The following CMAS variants were observed in gnomAD, a reference collection of about 807,000 sequenced individuals.
CMAS encodes the protein cytidine monophosphate N-acetylneuraminic acid synthetase, also known as N-acylneuraminate cytidylyltransferase.
In CMAS, 21 loss-of-function variants were observed where a neutral mutation model predicts 53.4. The ratio of observed to expected loss-of-function variants is 0.39; its 90% CI spans 0.28 to 0.57. The LOEUF is 0.57. Ranked by LOEUF, CMAS falls within the 20% of genes least tolerant of loss-of-function variation. The pLI is 0.56. For synonymous variants in CMAS, 189 were observed against 195.2 expected, an observed-to-expected ratio of 0.97 and a Z score of 0.27; for missense variants, 384 against 534.9, an observed-to-expected ratio of 0.72 and a Z score of 2.78.
intron 4 of CMAS, among the ~76,000 whole-genome samples, chr12:22,060,357 AAAAG>A: frequency 7.0e-6 from 1 of 142,214 alleles, no homozygotes; most frequent in Non-Finnish European, 1.5e-5. Context: ...AAAAAAAAAA[AAAAG>A]CTGGGCGTGG....
intron 1 of CMAS, among the ~76,000 whole-genome samples, chr12:22,050,209 C>A (rs1284033716): frequency 6.6e-6 from 1 of 152,224 alleles, no homozygotes; most frequent in African/African-American, 2.4e-5. Context: ...AGATCACAGA[C>A]TCTGAAATCA....
chr12:22,063,731 A>AC (rs1362509686), intron 7 of CMAS: 23 of 149,520 alleles, frequency 1.5e-4, no homozygotes, highest in African/African-American at 5.4e-4. Flanking sequence ...ACATTAAAAA[A>AC]AAAACACACA....
chr12:22,052,170 T>TA (rs1489193759), intron 1 of CMAS, among the ~76,000 whole-genome samples: 11 of 152,344 alleles, frequency 7.2e-5, no homozygotes, highest in Middle Eastern at 3.4e-3. Flanking sequence ...AGAGCGTAGT[T>TA]ACTTAATTGA....
intron 7 of CMAS, 34 bp downstream of exon 7, chr12:22,062,468 G>A: frequency 1.3e-6 from 2 of 1,586,086 alleles, no homozygotes; most frequent in Non-Finnish European, 1.7e-6. Flanking sequence ...TAGTAAAATG[G>A]ACCAGGAATT....
intron 3 of CMAS, among the ~76,000 whole-genome samples, chr12:22,057,263 ACAC>A (rs1950274663): frequency 2.0e-5 from 3 of 151,242 alleles, no homozygotes; most frequent in Non-Finnish European, 2.9e-5. Context: ...ACACACACAC[ACAC>A]ACACACACAG....
Position 22,046,221 on chromosome 12 carries a change from C to G in CMAS, c.-83C>G, listed in dbSNP as rs1315284135. 7.6e-7 allele frequency: 1 copy of G among 1,313,110 alleles called. No homozygotes were observed. The highest frequency in any genetic ancestry group is 9.9e-7 in the Non-Finnish European group (1 of 1,009,542). The allele number at this position is 1,313,110 out of a possible 1,614,324, so 81.3% of individuals were successfully genotyped here. On this transcript the variant is annotated 5_prime_UTR_variant, in exon 1 of 8. Coordinates refer to ENST00000229329, the MANE Select transcript of CMAS (RefSeq NM_018686.6). The stretch of plus-strand genomic sequence containing the variant: ...ACGGCCGCGCGCGCCAGCTGCCAGG[C>G]GGGGATCGGGCGGCGCCGAGCTGAG...
At chr12:22,051,028 G>T (rs1189132013) in intron 1 of CMAS, among the ~76,000 whole-genome samples, 1 of 152,092 alleles carries the variant, frequency 6.6e-6, no homozygotes, top group African/African-American at 2.4e-5. Flanking sequence ...GAAAATTGCA[G>T]CTGTCTGATT....
chr12:22,055,555 T>G lies in CMAS; in HGVS notation c.504T>G (p.Ser168=), dbSNP rs1263024278. Residue 168 remains serine, a synonymous_variant, in exon 3 of 8, where the codon TCT becomes TCG. Transcript: ENST00000229329. ...AEMIREEGYD[S]VFSVVRRHQF... ...TGATTCGAGAAGAAGGATATGATTC[T>G]GTTTTCTCTGTTGTGAGACGCCATC... The G allele has an allele frequency of 3.1e-6, 5 of 1,612,726 alleles. No individual in the cohort carries two copies. Among genetic ancestry groups the G allele is most frequent in the Non-Finnish European group, 4.2e-6 (5 of 1,179,652 alleles).
At position 22,046,548 on chromosome 12, in the gene CMAS, C is replaced by T; in HGVS notation, c.245C>T (p.Ser82Leu). ...IGWVLRAALD[S>L]GAFQSVWVST... ...TGGGTCCTGCGTGCGGCCCTGGATTCAGGGGCCTTCCAGAGGTGCGCATGT... is the reference window on the plus strand; with the variant it reads ...TGGGTCCTGCGTGCGGCCCTGGATTTAGGGGCCTTCCAGAGGTGCGCATGT... Residue 82 changes from serine (S) to leucine (L), a missense_variant, in exon 1 of 8, where the codon TCA (serine) becomes TTA (leucine). This residue lies in a region of CMAS where 111 missense variants were observed against 132.2 expected (regional missense o/e 0.84). Transcript: ENST00000229329. 6.3e-7 allele frequency: 1 copy of T among 1,592,982 alleles called. No individual in the cohort carries two copies. The highest frequency in any genetic ancestry group is 8.5e-7 in the Non-Finnish European group (1 of 1,171,148).
intron 1 of CMAS, among the ~76,000 whole-genome samples, chr12:22,053,862 C>G (rs1950251102): frequency 6.8e-6 from 1 of 147,760 alleles, no homozygotes; most frequent in African/African-American, 2.5e-5. Context: ...CTGGGAGACA[C>G]AGCGAGACTC....
intron 2 of CMAS, 46 bp from the exon 3 acceptor site, chr12:22,055,409 G>T: frequency 4.6e-6 from 7 of 1,522,776 alleles, no homozygotes; most frequent in South Asian, 1.3e-5. Flanking sequence ...TGCTTGCAAG[G>T]AACTTTTTTT....
At chr12:22,054,972 A>G in intron 1 of CMAS, 177 bp from the exon 2 acceptor site, 2 of 409,132 alleles carry the variant, frequency 4.9e-6, no homozygotes, top group Non-Finnish European at 8.7e-6. Flanking sequence ...ATATATTTAT[A>G]TACAAAATAC....
At chr12:22,051,107 G>A (rs1013858197) in intron 1 of CMAS, among the ~76,000 whole-genome samples, 2 of 152,098 alleles carry the variant, frequency 1.3e-5, no homozygotes, top group African/African-American at 4.8e-5. Context: ...ACTTAATTGA[G>A]GCAGATTTCT....
intron 7 of CMAS, among the ~76,000 whole-genome samples, chr12:22,063,090 T>C (rs555282598): frequency 6.6e-6 from 1 of 152,340 alleles, no homozygotes; most frequent in Non-Finnish European, 1.5e-5. Flanking sequence ...CCTATGATGA[T>C]ACGCAGCATG....
chr12:22,048,031 A>G (rs745860043), intron 1 of CMAS, among the ~76,000 whole-genome samples: 1 of 152,216 alleles, frequency 6.6e-6, no homozygotes, highest in East Asian at 1.9e-4. Flanking sequence ...TCAAACTGGC[A>G]TAACAAAAGA....
chr12:22,052,027 C>T (rs900618475), intron 1 of CMAS, among the ~76,000 whole-genome samples: 2 of 152,134 alleles, frequency 1.3e-5, no homozygotes, highest in Non-Finnish European at 2.9e-5. Context: ...GTGGTGGAGC[C>T]AGAATTGAAC....
intron 4 of CMAS, 104 bp from the exon 5 acceptor site, chr12:22,060,727 TC>T: frequency 1.5e-6 from 1 of 662,600 alleles, no homozygotes; most frequent in Admixed American, 2.4e-5. Context: ...TATTCATTTT[TC>T]TCAGTACTGT....
Position 22,060,934 on chromosome 12 carries a change from CAAAT to C in CMAS, c.788+12_788+15del, listed in dbSNP as rs766327698. 60 of 1,465,182 alleles carry C rather than the reference CAAAT, an allele frequency of 4.1e-5. No homozygotes were observed. Among genetic ancestry groups the C allele is most frequent in the African/African-American group, 1.9e-4 (14 of 71,944 alleles). The allele number at this position is 1,465,182 out of a possible 1,614,324, so 90.8% of individuals were successfully genotyped here. A position where few individuals can be genotyped will look rare whatever the true frequency, so the allele number is the denominator to read the frequency against. ...AGAGCAAAGAGTATTAAGGTAAAAA[CAAAT>C]AAACCTTTATAACCTTTGTACTAAA... On this transcript the variant is annotated intron_variant, in intron 5 of 7. Transcript: ENST00000229329.
intron 7 of CMAS, chr12:22,063,652 A>ATGAT (rs1950323624): frequency 1.3e-5 from 2 of 152,068 alleles, no homozygotes; most frequent in African/African-American, 2.4e-5. Context: ...GATAATTAGG[A>ATGAT]TGATTGTGAC....
Sources: gnomAD v4.1 joint callset for allele counts (sites outside exome capture counted in the v4.1 genomes callset) on GRCh38, gnomAD v4.1.1 for gene constraint, gnomAD v4.1.1 regional missense constraint, MANE v1.5 for transcripts, NCBI Gene and HGNC (gene_info 2026-07-23, HGNC 2026-07-21) for gene names.